The following PPP2R5C variants were observed in gnomAD, a reference collection of about 807,000 sequenced individuals.
PPP2R5C encodes the protein serine/threonine-protein phosphatase 2A 56 kDa regulatory subunit gamma isoform.
PPP2R5C carries 7 observed loss-of-function variants against 68.9 expected under a neutral mutation model. The ratio of observed to expected loss-of-function variants is 0.10; its 90% CI spans 0.06 to 0.19. The LOEUF is 0.19. PPP2R5C is among the 10% of genes least tolerant of loss of function. The pLI, the probability that PPP2R5C is intolerant of heterozygous loss-of-function variation, is 1.00. For synonymous variants in PPP2R5C, 210 were observed against 222.2 expected (o/e 0.95, Z 0.49); for missense variants, 348 against 641.3 (o/e 0.54, Z 4.94).
intron 1 of PPP2R5C, among the ~76,000 whole-genome samples, chr14:101,848,586 C>T (rs77562814): frequency 0.069 from 10,465 of 151,874 alleles, 539 homozygotes; most frequent in African/African-American, 0.14. Flanking sequence ...TTCGTGAGTG[C>T]GAGTATGTCT....
At chr14:101,918,076 T>G in intron 13 of PPP2R5C, 129 bp downstream of exon 15, 1 of 1,316,274 alleles carries the variant, frequency 7.6e-7, no homozygotes, top group Non-Finnish European at 1.0e-6. Flanking sequence ...ATTTTGCTAG[T>G]CTTATAGGAA....
At chr14:101,885,162 C>T (rs1354526859) in intron 5 of PPP2R5C, among the ~76,000 whole-genome samples, 1 of 152,214 alleles carries the variant, frequency 6.6e-6, no homozygotes, top group Non-Finnish European at 1.5e-5. Flanking sequence ...GAGCACGGGC[C>T]ATGGCCTGGA....
In PPP2R5C at chr14:101,784,510, T is replaced by G. The variant is rs1287321359; in HGVS notation, c.94-1508T>G. On this transcript the variant is annotated intron_variant, in intron 2 of 14. Transcript: ENST00000328724. ...ACGGCAGCAGGAGAGAGAGAGAAAG[T>G]GGGGGGGGGGAACTGCCAAACACTT... Among the ~76,000 whole-genome samples the G allele has an allele frequency of 2.8e-3, 349 of 123,498 alleles. 2 individuals carry two copies. The highest frequency in any genetic ancestry group is 9.4e-3 in the African/African-American group (313 of 33,218). The allele number at this position is 123,498 out of a possible 152,430, so 81.0% of individuals were successfully genotyped here. A position where few individuals can be genotyped will look rare whatever the true frequency, so the allele number is the denominator to read the frequency against.
chr14:101,815,709 A>G (rs937092101), intron 1 of PPP2R5C, among the ~76,000 whole-genome samples: 3 of 152,246 alleles, frequency 2.0e-5, no homozygotes, highest in Admixed American at 6.5e-5. Flanking sequence ...TCGCTTTGTC[A>G]CCCAGGCTGG....
Position 101,890,876 on chromosome 14 carries a change from G to A in PPP2R5C, c.689+580G>A, listed in dbSNP as rs538610534. ...CAATCTCTGCTTCCCTGGTTCAAACGATTCTGCTGCCTCAGCCTCCCGAGT... is the reference window on the plus strand; with the variant it reads ...CAATCTCTGCTTCCCTGGTTCAAACAATTCTGCTGCCTCAGCCTCCCGAGT... On this transcript the variant is annotated intron_variant, in intron 6 of 13. Coordinates refer to ENST00000334743, the Ensembl canonical transcript of PPP2R5C. 2.6e-3 allele frequency among the ~76,000 whole-genome samples: 380 copies of A among 145,178 alleles called. 3 individuals are homozygous for A. The highest frequency in any genetic ancestry group is 9.0e-3 in the African/African-American group (349 of 38,840).
At chr14:101,823,873 T>A (rs1252889590) in intron 1 of PPP2R5C, 1 of 1,250,352 alleles carries the variant, frequency 8.0e-7, no homozygotes, top group Admixed American at 2.4e-5. Context: ...GCAGTGCAGC[T>A]GAAACCAGGT....
At chr14:101,843,434 C>G in intron 1 of PPP2R5C, 1 of 222,008 alleles carries the variant, frequency 4.5e-6, no homozygotes, top group Non-Finnish European at 9.3e-6. Flanking sequence ...GAATAGCCCC[C>G]TAGTCAGTCA....
In PPP2R5C at chr14:101,917,744, A is replaced by T; in HGVS notation, c.1327-87A>T. On this transcript the variant is annotated intron_variant, in intron 12 of 13. Transcript: ENST00000334743. This position sits in a 1 kb window ranked among gnomAD's most constrained non-coding sequence, Gnocchi z 4.4. ...GCGGGAGAGGGCCCTGGGGGGCGGC[A>T]GGGGAGATGAGTCCCTAGCCAGGAT... The T allele has an allele frequency of 1.3e-6, 2 of 1,565,930 alleles. No individual in the cohort carries two copies. Among genetic ancestry groups the T allele is most frequent in the African/African-American group, 1.4e-5 (1 of 73,888 alleles).
Position 101,882,110 on chromosome 14 carries a change from T to C in PPP2R5C, c.295-51T>C, listed in dbSNP as rs756315404. ...ACCTAAGACTTTATAAAATGTTGTCTGTAAATATTTTAAATGCCCTGATTG... is the reference window on the plus strand; with the variant it reads ...ACCTAAGACTTTATAAAATGTTGTCCGTAAATATTTTAAATGCCCTGATTG... On this transcript the variant is annotated intron_variant, in intron 2 of 13. Transcript: ENST00000334743. This position sits in a 1 kb window ranked among gnomAD's most constrained non-coding sequence, Gnocchi z 4.9. 7 of 1,401,464 alleles carry C rather than the reference T, an allele frequency of 5.0e-6. No individual in the cohort carries two copies. The Admixed American group carries it at 1.2e-4, about 23-fold the overall frequency. 86.8% of individuals were successfully genotyped at this position (1,401,464 alleles called of 1,614,324 possible). A position where few individuals can be genotyped will look rare whatever the true frequency, so the allele number is the denominator to read the frequency against.
intron 2 of PPP2R5C, 118 bp downstream of exon 4, chr14:101,857,003 G>T: frequency 1.0e-6 from 1 of 983,828 alleles, no homozygotes; most frequent in Non-Finnish European, 1.5e-6. Context: ...TCCAGAATTT[G>T]TAGTTGTGCT....
At chr14:101,911,936 C>T (rs979800155) in intron 11 of PPP2R5C, among the ~76,000 whole-genome samples, 2 of 151,808 alleles carry the variant, frequency 1.3e-5, no homozygotes, top group African/African-American at 2.4e-5. Flanking sequence ...TCATGTGACT[C>T]GCAGTGGAGT....
Position 101,913,162 on chromosome 14 carries a change from C to T in PPP2R5C, c.1326+689C>T, listed in dbSNP as rs1312374609. On this transcript the variant is annotated intron_variant, in intron 12 of 13. Coordinates refer to ENST00000334743, the Ensembl canonical transcript of PPP2R5C. This position sits in a 1 kb window ranked among gnomAD's most constrained non-coding sequence, Gnocchi z 4.1. ...CTAGAGCGTTATGACAGTTTCTTCA[C>T]GTTCTGTGTGCCTGATTATAACAGT... Among the ~76,000 whole-genome samples, 1 of 152,216 alleles carries T rather than the reference C, an allele frequency of 6.6e-6. No homozygotes were observed. Among genetic ancestry groups the T allele is most frequent in the African/African-American group, 2.4e-5 (1 of 41,458 alleles).
intron 2 of PPP2R5C, among the ~76,000 whole-genome samples, chr14:101,862,516 G>A (rs976717548): frequency 6.6e-6 from 1 of 152,134 alleles, no homozygotes; most frequent in African/African-American, 2.4e-5. Flanking sequence ...CCATGCAGGA[G>A]CTCACCCCTA....
intron 6 of PPP2R5C, among the ~76,000 whole-genome samples, chr14:101,892,393 G>T (rs1042409567): frequency 3.7e-5 from 5 of 134,838 alleles, no homozygotes; most frequent in Non-Finnish European, 6.4e-5. Context: ...TGGGTGGGGG[G>T]TGGGGGGGGT....
chr14:101,913,069 G>A lies in PPP2R5C; in HGVS notation c.1326+596G>A, dbSNP rs1052586289. ...GCTGCCGGCAGTTCCAGCTGCCGGG[G>A]CTGCCAGGGTCCGGGAGGGTTTCCT... On this transcript the variant is annotated intron_variant, in intron 12 of 13. Transcript: ENST00000334743. This position sits in a 1 kb window ranked among gnomAD's most constrained non-coding sequence, Gnocchi z 4.1. Among the ~76,000 whole-genome samples, 1 of 152,232 alleles carries A rather than the reference G, an allele frequency of 6.6e-6. No individual in the cohort carries two copies. Among genetic ancestry groups the A allele is most frequent in the Non-Finnish European group, 1.5e-5 (1 of 68,052 alleles).
intron 1 of PPP2R5C, 143 bp downstream of exon 1, chr14:101,762,063 G>A (rs2036572960): frequency 1.1e-6 from 1 of 899,820 alleles, no homozygotes; most frequent in African/African-American, 1.8e-5. Context: ...GGGCGGCCGA[G>A]CCAGGCATCC....
rs114781996 is a variant in PPP2R5C at position 101,832,410 on chromosome 14, T to C, written c.94+22374T>C. ...AAATCCATGGTTTCTTGGGTTATTA[T>C]TGCTTAGGACAGGGCTTAGTAAAAA... On this transcript the variant is annotated intron_variant, in intron 1 of 13. Transcript: ENST00000334743. Among the ~76,000 whole-genome samples, 824 of 152,318 alleles carry C rather than the reference T, an allele frequency of 5.4e-3. 6 individuals carry two copies. The highest frequency in any genetic ancestry group is 0.019 in the African/African-American group (772 of 41,564).
rs1317659589 is a variant in PPP2R5C at position 101,899,297 on chromosome 14, A to G, written c.853-2422A>G. ...GGCTCTCCTTTCTCCTTGGTCTACC[A>G]GGACAGGAAGGGGGCTCCCCAAGAC... On this transcript the variant is annotated intron_variant, in intron 8 of 13. Coordinates refer to ENST00000334743, the Ensembl canonical transcript of PPP2R5C. This position sits in a 1 kb window ranked among gnomAD's most constrained non-coding sequence, Gnocchi z 4.2. Among the ~76,000 whole-genome samples the G allele has an allele frequency of 6.6e-6, 1 of 152,210 alleles. No homozygotes were observed. The highest frequency in any genetic ancestry group is 1.5e-5 in the Non-Finnish European group (1 of 68,030).
rs183996136 is a variant in PPP2R5C, at chr14:101,775,845, T to G, written c.94-10173T>G. On this transcript the variant is annotated intron_variant, in intron 2 of 14. Coordinates refer to the PPP2R5C transcript ENST00000328724. ...GTCTCCAGACACCCCCACCACCTCC[T>G]TCCCCCAGCCAGAGACTCCAGAATC... 4.6e-5 allele frequency among the ~76,000 whole-genome samples: 7 copies of G among 151,768 alleles called. No homozygotes were observed. The East Asian group carries it at 1.4e-3, about 29-fold the overall frequency.
Sources: gnomAD v4.1 joint callset for allele counts (sites outside exome capture counted in the v4.1 genomes callset) on GRCh38, gnomAD v4.1.1 for gene constraint, Gnocchi (gnomAD v3.1) non-coding constraint, MANE v1.5 for transcripts, NCBI Gene and HGNC (gene_info 2026-07-23, HGNC 2026-07-21) for gene names.